The following PCSK5 variants were observed in gnomAD, a reference collection of about 807,000 sequenced individuals.
PCSK5 encodes prohormone convertase 5.
PCSK5 carries 129 observed loss-of-function variants against 233.2 expected under a neutral mutation model. That is an observed-to-expected ratio of 0.55 (90% CI 0.48 to 0.64). PCSK5 has a LOEUF of 0.64. PCSK5 is among the 30% of genes least tolerant of loss of function. The pLI, the probability that PCSK5 is intolerant of heterozygous loss-of-function variation, is 0.00. For missense variants in PCSK5, 2,076 were observed against 2,430.1 expected (o/e 0.85, Z 3.06); for synonymous variants, 825 against 879.2 (o/e 0.94, Z 1.09).
chr9:76,127,739 A>G lies in PCSK5; in HGVS notation c.1209-6370A>G, dbSNP rs4744781. Among the ~76,000 whole-genome samples the G allele has an allele frequency of 4.5e-3, 685 of 152,338 alleles. 26 individuals are homozygous for G. Among genetic ancestry groups the G allele is most frequent in the Admixed American group, 0.037 (569 of 15,292 alleles). On this transcript the variant is annotated intron_variant, in intron 9 of 37. Coordinates refer to ENST00000674117, the MANE Select transcript of PCSK5 (RefSeq NM_001372043.1). ...AGTTATAATGGTACAGTAGGTTCCT[A>G]ATCTCAATAAATCATCATGACGCTT...
intron 10 of PCSK5, among the ~76,000 whole-genome samples, chr9:76,143,420 T>C (rs1823310099): frequency 6.6e-6 from 1 of 152,180 alleles, no homozygotes; most frequent in Non-Finnish European, 1.5e-5. Context: ...AGCTAGATGA[T>C]AGTAATGACT....
chr9:76,287,505 G>C (rs369590539), intron 24 of PCSK5: 14 of 153,652 alleles, frequency 9.1e-5, no homozygotes, highest in East Asian at 7.7e-4. Context: ...TGTCGCCCAG[G>C]CTGGAGTGCA....
intron 24 of PCSK5, among the ~76,000 whole-genome samples, chr9:76,256,072 T>C (rs576680601): frequency 3.9e-5 from 6 of 152,252 alleles, no homozygotes; most frequent in African/African-American, 1.4e-4. Context: ...AAGGTTGGTC[T>C]GCTGCATTTG....
At chr9:76,295,439 C>A (rs776182033) in intron 26 of PCSK5, 28 bp downstream of exon 26, 3 of 1,607,778 alleles carry the variant, frequency 1.9e-6, no homozygotes, top group Non-Finnish European at 2.5e-6. Context: ...ACCATCCAAG[C>A]TAAGAACCAG....
At chr9:76,072,033 A>G in intron 7 of PCSK5, 135 bp downstream of exon 7, 1 of 727,992 alleles carries the variant, frequency 1.4e-6, no homozygotes, top group East Asian at 2.7e-5. Context: ...AGGCTAATGG[A>G]AAGAGGTGGT....
intron 5 of PCSK5, among the ~76,000 whole-genome samples, chr9:76,038,160 C>T (rs371234463): frequency 6.6e-6 from 1 of 152,186 alleles, no homozygotes; most frequent in Non-Finnish European, 1.5e-5. Flanking sequence ...ATCACACCCC[C>T]TCCCATGCCT....
chr9:76,013,228 A>C (rs1278398588), intron 3 of PCSK5, among the ~76,000 whole-genome samples: 1 of 152,202 alleles, frequency 6.6e-6, no homozygotes, highest in Non-Finnish European at 1.5e-5. Context: ...GTATTTTGCT[A>C]GGAAATATCA....
At chr9:76,126,977 A>G (rs1420942643) in intron 9 of PCSK5, among the ~76,000 whole-genome samples, 1 of 152,122 alleles carries the variant, frequency 6.6e-6, no homozygotes, top group East Asian at 1.9e-4. Context: ...CATTTACTTC[A>G]AATTCTAGAA....
chr9:76,176,990 A>G (rs1823642859), intron 14 of PCSK5, among the ~76,000 whole-genome samples: 1 of 152,146 alleles, frequency 6.6e-6, no homozygotes, highest in Non-Finnish European at 1.5e-5. Context: ...AGCTTCTCCT[A>G]ATGAAGAACT....
At chr9:76,005,153 A>G (rs1349435846) in intron 3 of PCSK5, among the ~76,000 whole-genome samples, 3 of 152,214 alleles carry the variant, frequency 2.0e-5, no homozygotes, top group Non-Finnish European at 4.4e-5. Context: ...GGAATTACCA[A>G]ACCACTGCTA....
intron 20 of PCSK5, chr9:76,194,823 G>A (rs1458853117): frequency 6.7e-6 from 3 of 445,810 alleles, no homozygotes; most frequent in South Asian, 1.7e-5. Flanking sequence ...CTTTACAAGT[G>A]ACCAGCCATC....
chr9:75,985,727 G>A (rs540552689), intron 2 of PCSK5, among the ~76,000 whole-genome samples: 31 of 152,218 alleles, frequency 2.0e-4, no homozygotes, highest in Admixed American at 1.5e-3. Flanking sequence ...GAGACCACGT[G>A]ACCTGCAAAG....
At chr9:76,184,780 C>A in intron 17 of PCSK5, 23 bp downstream of exon 17, 1 of 1,355,074 alleles carries the variant, frequency 7.4e-7, no homozygotes, top group Non-Finnish European at 1.0e-6. Context: ...AGGATTTTAT[C>A]AAGTAACACA....
At position 75,966,949 on chromosome 9, in the gene PCSK5, A is replaced by G. The variant is rs866197124; in HGVS notation, c.298-19183A>G. On this transcript the variant is annotated intron_variant, in intron 2 of 37. Coordinates refer to ENST00000674117, the MANE Select transcript of PCSK5 (RefSeq NM_001372043.1). ...ATAAAGGAGAACTAGTTCTGCCTCT[A>G]TATGGCTTTTGGTCCTCTTGATCTG... Among the ~76,000 whole-genome samples the G allele has an allele frequency of 3.6e-4, 55 of 152,194 alleles. 1 individual carries two copies. The highest frequency in any genetic ancestry group is 1.3e-3 in the African/African-American group (53 of 41,444).
Position 76,118,096 on chromosome 9 carries a change from T to C in PCSK5, c.1208+10745T>C, listed in dbSNP as rs577716920. On this transcript the variant is annotated intron_variant, in intron 9 of 37. Coordinates refer to ENST00000674117, the MANE Select transcript of PCSK5 (RefSeq NM_001372043.1). The stretch of plus-strand genomic sequence containing the variant: ...ATAGCAGATGTATTCAATTCTATAA[T>C]TTTCATTGTGCTAAAATTCTCAAGC... Among the ~76,000 whole-genome samples, 3 of 152,188 alleles carry C rather than the reference T, an allele frequency of 2.0e-5. No individual in the cohort carries two copies. In the East Asian group the frequency reaches 5.8e-4, roughly 29 times the overall value.
intron 1 of PCSK5, among the ~76,000 whole-genome samples, chr9:75,925,544 T>C (rs543693060): frequency 1.3e-5 from 2 of 152,152 alleles, no homozygotes; most frequent in Non-Finnish European, 1.5e-5. Context: ...GTAAGTGTTA[T>C]GGAGAAAAAT....
At chr9:76,098,498 C>G (rs1188785010) in intron 8 of PCSK5, among the ~76,000 whole-genome samples, 1 of 152,212 alleles carries the variant, frequency 6.6e-6, no homozygotes, top group Non-Finnish European at 1.5e-5. Flanking sequence ...TCAACGTCCA[C>G]TAGCACGGAG....
rs771009615 is a variant in PCSK5 at position 75,927,570 on chromosome 9, ACT to A, written c.193-4806_193-4805del. Among the ~76,000 whole-genome samples the A allele has an allele frequency of 2.0e-5, 3 of 152,186 alleles. No individual in the cohort carries two copies. The East Asian group carries it at 5.8e-4, about 29-fold the overall frequency. The stretch of plus-strand genomic sequence containing the variant: ...ATAACTATGTACAAGGAAGCTGCAA[ACT>A]CTGTGCAAGGAGGCATTAGACTGTT... On this transcript the variant is annotated intron_variant, in intron 1 of 37. Coordinates refer to ENST00000674117, the MANE Select transcript of PCSK5 (RefSeq NM_001372043.1).
At chr9:76,091,115 C>T (rs986171644) in intron 7 of PCSK5, among the ~76,000 whole-genome samples, 3 of 152,132 alleles carry the variant, frequency 2.0e-5, no homozygotes, top group African/African-American at 4.8e-5. Flanking sequence ...GCTGTGTGGC[C>T]GGATTCCTAA....
Sources: allele counts gnomAD v4.1 joint callset (sites outside exome capture counted in the v4.1 genomes callset), GRCh38; gene constraint gnomAD v4.1.1; transcripts MANE v1.5; gene names NCBI Gene and HGNC (gene_info 2026-07-23, HGNC 2026-07-21).